RTN4RL2: variants seen among roughly 807,000 people sequenced by gnomAD.
RTN4RL2 encodes reticulon 4 receptor like 2.
In RTN4RL2, 9 loss-of-function variants were observed where a neutral mutation model predicts 27.8. The ratio of observed to expected loss-of-function variants is 0.32; its 90% confidence interval spans 0.20 to 0.57. The LOEUF is 0.57. Ranked by LOEUF, RTN4RL2 falls within the 20% of genes least tolerant of loss-of-function variation. RTN4RL2 has a pLI of 0.90. For missense variants in RTN4RL2, 436 were observed against 596.8 expected, an observed-to-expected ratio of 0.73 and a Z score of 2.81; for synonymous variants, 285 against 297.9, an observed-to-expected ratio of 0.96 and a Z score of 0.45.
Position 57,468,246 on chromosome 11 carries a change from T to C in RTN4RL2, c.513+156T>C, listed in dbSNP as rs900628292. 3.9e-5 allele frequency among the ~76,000 whole-genome samples: 6 copies of C among 152,078 alleles called. No individual in the cohort carries two copies. The South Asian group carries it at 1.0e-3, about 26-fold the overall frequency. ...TCTCTCTGTCTATGTCTCTTTTCTC[T>C]CTTACATTCTCCAGGGGCTTTACTT... is the stretch of plus-strand genomic sequence containing the variant. On this transcript the variant is annotated intron_variant, in intron 2 of 2. Transcript: ENST00000335099.
chr11:57,467,417 T>A lies in RTN4RL2; in HGVS notation c.32-192T>A, dbSNP rs1943534214. Among the ~76,000 whole-genome samples, 1 of 152,066 alleles carries A rather than the reference T, an allele frequency of 6.6e-6. No homozygotes were observed. The highest frequency in any genetic ancestry group is 1.5e-5 in the Non-Finnish European group (1 of 68,010). The stretch of plus-strand genomic sequence containing the variant: ...TTGTAAAGACAGGGATCTCCCTATG[T>A]TGCCCAGGATAGTCTCAAACTCCTG... On this transcript the variant is annotated intron_variant, in intron 1 of 2. Coordinates refer to ENST00000335099, the MANE Select transcript of RTN4RL2 (RefSeq NM_178570.3). This position sits in a 1 kb window ranked among gnomAD's most constrained non-coding sequence, Gnocchi z 5.5.
chr11:57,461,337 G>A (rs1943483218), intron 1 of RTN4RL2, among the ~76,000 whole-genome samples: 1 of 149,952 alleles, frequency 6.7e-6, no homozygotes, highest in Non-Finnish European at 1.5e-5. Flanking sequence ...GGCGCAGAGG[G>A]AAATCCAAGT....
rs772962309 is a variant in RTN4RL2 at position 57,468,031 on chromosome 11, C to G, written c.454C>G (p.Arg152Gly). 1.0e-5 allele frequency: 16 copies of G among 1,600,574 alleles called. No homozygotes were observed. Among genetic ancestry groups the G allele is most frequent in the Non-Finnish European group, 5.1e-6 (6 of 1,179,900 alleles). The change falls in exon 2 of 3, where the codon CGA (arginine) becomes GGA (glycine). Residue 152 changes from arginine (R) to glycine (G), a missense_variant. Arg to Gly is a moderately radical substitution (Grantham distance 125). Coordinates refer to ENST00000335099, the MANE Select transcript of RTN4RL2 (RefSeq NM_178570.3). ...CAGCAGCCTGCCCGGCAACATCTTC[C>G]GAGGCCTGGTCAGCCTGCAGTACCT... ...QLSSLPGNIF[R>G]GLVSLQYLYL...
Position 57,467,161 on chromosome 11 carries a change from C to T in RTN4RL2, c.32-448C>T, listed in dbSNP as rs1487132084. Among the ~76,000 whole-genome samples, 1 of 152,158 alleles carries T rather than the reference C, an allele frequency of 6.6e-6. No individual in the cohort carries two copies. Among genetic ancestry groups the T allele is most frequent in the African/African-American group, 2.4e-5 (1 of 41,434 alleles). On this transcript the variant is annotated intron_variant, in intron 1 of 2. Coordinates refer to ENST00000335099, the MANE Select transcript of RTN4RL2 (RefSeq NM_178570.3). The surrounding 1 kb of genome is among the most constrained non-coding windows in gnomAD (Gnocchi z 5.5). Reference sequence around the variant, plus strand: ...GGCCACTTGAGGCTATAACGTTGTCCCCTGAGCCCCCAGACATGGGAGCAC... The same window carrying T: ...GGCCACTTGAGGCTATAACGTTGTCTCCTGAGCCCCCAGACATGGGAGCAC...
rs539392646 is a variant in RTN4RL2, at chr11:57,463,232, A to G, written c.31+2336A>G. Among the ~76,000 whole-genome samples the G allele has an allele frequency of 5.3e-5, 8 of 152,254 alleles. No individual in the cohort carries two copies. The South Asian group carries it at 1.7e-3, about 32-fold the overall frequency. On this transcript the variant is annotated intron_variant, in intron 1 of 2. Transcript: ENST00000335099. ...CCACAATATTGACCTCCAGGGGATT[A>G]TGTGTGTTGTGTTCAATGTATAAAG...
Position 57,477,050 on chromosome 11 carries a change from G to A in RTN4RL2, c.*139G>A. ...CCTCCCAGCTCCTCTCCTCCCCGGG[G>A]AGCAGGCCGCCTCTCCTTGCCTGCC... On this transcript the variant is annotated 3_prime_UTR_variant, in exon 3 of 3. Transcript: ENST00000335099. 2 of 877,018 alleles carry A rather than the reference G, an allele frequency of 2.3e-6. No individual in the cohort carries two copies. Among genetic ancestry groups the A allele is most frequent in the Non-Finnish European group, 3.3e-6 (2 of 611,952 alleles). 54.3% of individuals were successfully genotyped at this position (877,018 alleles called of 1,614,324 possible).
intron 2 of RTN4RL2, among the ~76,000 whole-genome samples, chr11:57,468,334 A>G (rs1470036087): frequency 2.7e-5 from 4 of 147,890 alleles, no homozygotes; most frequent in Non-Finnish European, 6.0e-5. Flanking sequence ...CTCTCCCTCT[A>G]ACTCCACAAC....
Position 57,460,818 on chromosome 11 carries a change from T to G in RTN4RL2, c.-48T>G. 3 of 1,224,138 alleles carry G rather than the reference T, an allele frequency of 2.5e-6. No homozygotes were observed. Among genetic ancestry groups the G allele is most frequent in the Non-Finnish European group, 3.3e-6 (3 of 910,658 alleles). The allele number at this position is 1,224,138 out of a possible 1,614,324, so 75.8% of individuals were successfully genotyped here. On this transcript the variant is annotated 5_prime_UTR_variant, in exon 1 of 3. Coordinates refer to ENST00000335099, the MANE Select transcript of RTN4RL2 (RefSeq NM_178570.3). ...GCATCCGGCGGGCTCAGGGAGCGAG[T>G]GGGAGCGCCCTCCCCCCGCTGCCCC... is the stretch of plus-strand genomic sequence containing the variant.
intron 1 of RTN4RL2, among the ~76,000 whole-genome samples, chr11:57,464,391 G>A (rs1229408035): frequency 1.3e-5 from 2 of 152,182 alleles, no homozygotes; most frequent in Non-Finnish European, 2.9e-5. Flanking sequence ...CCGGAGGCTG[G>A]GGGAAAGCTC....
intron 2 of RTN4RL2, among the ~76,000 whole-genome samples, chr11:57,473,514 G>A (rs1185220304): frequency 6.7e-6 from 1 of 148,318 alleles, no homozygotes; most frequent in Non-Finnish European, 1.5e-5. Context: ...CAAGGGAAAT[G>A]TGGTTTTTGA....
At chr11:57,466,476 A>G (rs1364514849) in intron 1 of RTN4RL2, among the ~76,000 whole-genome samples, 1 of 152,148 alleles carries the variant, frequency 6.6e-6, no homozygotes, top group Non-Finnish European at 1.5e-5. Context: ...TCTCCAAAAG[A>G]AAAAAAGAAA....
chr11:57,466,658 A>C (rs1943527795), intron 1 of RTN4RL2, among the ~76,000 whole-genome samples: 1 of 152,280 alleles, frequency 6.6e-6, no homozygotes, highest in South Asian at 2.1e-4. Context: ...GCAAGGGCGA[A>C]AAGTACAGGA....
intron 2 of RTN4RL2, among the ~76,000 whole-genome samples, chr11:57,472,926 A>AT (rs1181246277): frequency 6.6e-6 from 1 of 152,204 alleles, no homozygotes; most frequent in Non-Finnish European, 1.5e-5. Flanking sequence ...TCCACTGCAT[A>AT]TTAGCTGTTG....
chr11:57,472,122 G>A (rs1343839161), intron 2 of RTN4RL2, among the ~76,000 whole-genome samples: 1 of 152,094 alleles, frequency 6.6e-6, no homozygotes, highest in Non-Finnish European at 1.5e-5. Context: ...GCCTCCCAAA[G>A]TGTTGGATTA....
At chr11:57,465,634 T>A (rs1025659047) in intron 1 of RTN4RL2, among the ~76,000 whole-genome samples, 2 of 152,064 alleles carry the variant, frequency 1.3e-5, no homozygotes, top group African/African-American at 4.8e-5. Context: ...CTGGAAATCA[T>A]AAGAAAGTGT....
intron 2 of RTN4RL2, among the ~76,000 whole-genome samples, chr11:57,470,164 A>G (rs992549620): frequency 1.3e-5 from 2 of 152,198 alleles, no homozygotes; most frequent in Admixed American, 1.3e-4. Flanking sequence ...CCTGGCTCCT[A>G]TATATATGAC....
At chr11:57,462,655 G>C (rs574271868) in intron 1 of RTN4RL2, among the ~76,000 whole-genome samples, 1 of 152,242 alleles carries the variant, frequency 6.6e-6, no homozygotes, top group Admixed American at 6.5e-5. Context: ...CTTTGTTTCT[G>C]AGCCTTGGTA....
chr11:57,474,098 A>G (rs1943581200), intron 2 of RTN4RL2, among the ~76,000 whole-genome samples: 2 of 152,152 alleles, frequency 1.3e-5, no homozygotes, highest in Admixed American at 6.5e-5. Context: ...TACCCCCTGG[A>G]TGGGCCTGGA....
At chr11:57,461,574 C>T (rs1175501741) in intron 1 of RTN4RL2, among the ~76,000 whole-genome samples, 2 of 150,712 alleles carry the variant, frequency 1.3e-5, no homozygotes, top group African/African-American at 2.4e-5. Flanking sequence ...ATGGGAAAAG[C>T]GTGGAGGGAA....
Sources: allele counts gnomAD v4.1 joint callset (sites outside exome capture counted in the v4.1 genomes callset), GRCh38; gene constraint gnomAD v4.1.1; non-coding constraint Gnocchi (gnomAD v3.1); transcripts MANE v1.5; gene names NCBI Gene and HGNC (gene_info 2026-07-23, HGNC 2026-07-21).